Variants in SUPT3H observed in about 807,000 individuals in gnomAD.
SUPT3H encodes the protein SPT3 homolog, SAGA and STAGA complex component.
A neutral mutation model predicts 44.3 loss-of-function variants in SUPT3H; 44 were observed. The ratio of observed to expected loss-of-function variants is 0.99; its 90% CI spans 0.78 to 1.28. SUPT3H has a LOEUF of 1.28. Among genes scored for constraint, SUPT3H ranks in the 50% most tolerant of loss-of-function variants. The pLI is 0.00. For missense variants in SUPT3H, 380 were observed against 387.1 expected, an observed-to-expected ratio of 0.98 and a Z score of 0.15; for synonymous variants, 124 against 125.6, an observed-to-expected ratio of 0.99 and a Z score of 0.09.
chr6:44,833,748 T>C (rs774207959), intron 10 of SUPT3H, among the ~76,000 whole-genome samples: 3 of 152,172 alleles, frequency 2.0e-5, no homozygotes, highest in African/African-American at 7.2e-5. Context: ...TTATACTACA[T>C]TGTCTTACAA....
intron 2 of SUPT3H, among the ~76,000 whole-genome samples, chr6:45,301,655 T>C (rs949038857): frequency 1.1e-4 from 16 of 152,268 alleles, no homozygotes; most frequent in African/African-American, 3.9e-4. Flanking sequence ...TTCATATGTA[T>C]CATGTGTGCA....
At chr6:45,102,432 C>T (rs1466280886) in intron 3 of SUPT3H, among the ~76,000 whole-genome samples, 1 of 151,924 alleles carries the variant, frequency 6.6e-6, no homozygotes, top group Non-Finnish European at 1.5e-5. Flanking sequence ...TATGTCCAGC[C>T]AAGTTACCTG....
At chr6:44,890,717 C>A (rs1441421453) in intron 10 of SUPT3H, among the ~76,000 whole-genome samples, 3 of 150,460 alleles carry the variant, frequency 2.0e-5, no homozygotes, top group South Asian at 2.1e-4. Flanking sequence ...ATGTAACTAA[C>A]CTGCACATTG....
intron 2 of SUPT3H, among the ~76,000 whole-genome samples, chr6:45,108,215 G>A (rs1285034214): frequency 6.6e-6 from 1 of 152,182 alleles, no homozygotes; most frequent in Admixed American, 6.5e-5. Flanking sequence ...GCTCATACCC[G>A]TAATCCTAGC....
intron 2 of SUPT3H, among the ~76,000 whole-genome samples, chr6:45,240,527 G>C (rs905121471): frequency 2.0e-5 from 3 of 152,172 alleles, no homozygotes; most frequent in Non-Finnish European, 4.4e-5. Flanking sequence ...AAACCTATCT[G>C]TAAACAGAAT....
chr6:45,185,527 G>GC (rs1279522895), intron 2 of SUPT3H, among the ~76,000 whole-genome samples: 1 of 152,106 alleles, frequency 6.6e-6, no homozygotes, highest in Non-Finnish European at 1.5e-5. Flanking sequence ...GTCCAAAACC[G>GC]CAACAGCCTG....
At chr6:45,355,787 C>G (rs554110225) in intron 2 of SUPT3H, among the ~76,000 whole-genome samples, 10 of 152,290 alleles carry the variant, frequency 6.6e-5, no homozygotes, top group Admixed American at 6.5e-4. Flanking sequence ...CAGTGCTTGA[C>G]TTAGAAATGG....
intron 2 of SUPT3H, among the ~76,000 whole-genome samples, chr6:45,178,853 C>T (rs1376617447): frequency 2.0e-5 from 3 of 151,672 alleles, no homozygotes; most frequent in Non-Finnish European, 2.9e-5. Flanking sequence ...AATAAAGATG[C>T]TCTTTGAAAC....
At chr6:45,280,484 TAAAAC>T (rs779292780) in intron 2 of SUPT3H, among the ~76,000 whole-genome samples, 6 of 151,406 alleles carry the variant, frequency 4.0e-5, no homozygotes, top group Admixed American at 1.3e-4. Context: ...ATCTCAAAAA[TAAAAC>T]AAAACCAAAA....
At chr6:44,874,685 C>G (rs1305572927) in intron 10 of SUPT3H, among the ~76,000 whole-genome samples, 5 of 64,608 alleles carry the variant, frequency 7.7e-5, no homozygotes, top group African/African-American at 2.7e-4. Flanking sequence ...AAAGGGTATT[C>G]AATTAGGAAA....
At chr6:45,135,824 C>A (rs1011841957) in intron 2 of SUPT3H, among the ~76,000 whole-genome samples, 3 of 152,286 alleles carry the variant, frequency 2.0e-5, no homozygotes, top group Admixed American at 2.0e-4. Context: ...CCATCCAGTC[C>A]ATGATACTTT....
intron 3 of SUPT3H, among the ~76,000 whole-genome samples, chr6:45,088,971 T>A (rs972585982): frequency 3.9e-5 from 6 of 152,088 alleles, no homozygotes; most frequent in African/African-American, 1.2e-4. Context: ...GTAAATTTGA[T>A]ATCTTTCTTT....
intron 2 of SUPT3H, among the ~76,000 whole-genome samples, chr6:45,287,884 C>T (rs1779580797): frequency 1.3e-5 from 2 of 152,112 alleles, no homozygotes; most frequent in Non-Finnish European, 2.9e-5. Flanking sequence ...AGCAACTTAC[C>T]ACACTTAGTT....
intron 3 of SUPT3H, among the ~76,000 whole-genome samples, chr6:45,079,697 C>G (rs1304645769): frequency 6.6e-6 from 1 of 152,028 alleles, no homozygotes; most frequent in Non-Finnish European, 1.5e-5. Context: ...ATACATTGGG[C>G]AAAGGACAGT....
rs539470562 is a variant in SUPT3H at position 45,185,244 on chromosome 6, A to G, written c.102-79238T>C. 1.4e-4 allele frequency among the ~76,000 whole-genome samples: 22 copies of G among 152,232 alleles called. No individual in the cohort carries two copies. The South Asian group carries it at 4.4e-3, about 30-fold the overall frequency. The stretch of plus-strand genomic sequence containing the variant: ...ATCCAAAGCACAGCTAATCGCCACT[A>G]TGTCTGTTGTTAGTGGGACGCAGGA... On this transcript the variant is annotated intron_variant, in intron 2 of 10. Coordinates refer to ENST00000371459, the MANE Select transcript of SUPT3H (RefSeq NM_003599.4).
chr6:44,901,424 T>C (rs535581134), intron 10 of SUPT3H, among the ~76,000 whole-genome samples: 1 of 152,220 alleles, frequency 6.6e-6, no homozygotes, highest in Non-Finnish European at 1.5e-5. Flanking sequence ...AGGGTATCAG[T>C]GATGGAAGAT....
chr6:45,189,176 CAAAT>C (rs1216077395), intron 2 of SUPT3H, among the ~76,000 whole-genome samples: 1 of 152,026 alleles, frequency 6.6e-6, no homozygotes, highest in Non-Finnish European at 1.5e-5. Context: ...ATTTGCCAAA[CAAAT>C]AAAATTATAT....
chr6:45,132,727 T>C (rs541338967), intron 2 of SUPT3H, among the ~76,000 whole-genome samples: 1 of 152,330 alleles, frequency 6.6e-6, no homozygotes, highest in African/African-American at 2.4e-5. Context: ...GAAGTGATTC[T>C]ATTCTTAAAA....
At chr6:44,835,195 T>C (rs1326896693) in intron 10 of SUPT3H, among the ~76,000 whole-genome samples, 1 of 152,092 alleles carries the variant, frequency 6.6e-6, no homozygotes, top group Non-Finnish European at 1.5e-5. Context: ...AGTATCTGAT[T>C]TTGGGTTGAG....
Sources: gnomAD v4.1 joint callset for allele counts (sites outside exome capture counted in the v4.1 genomes callset) on GRCh38, gnomAD v4.1.1 for gene constraint, MANE v1.5 for transcripts, NCBI Gene and HGNC (gene_info 2026-07-23, HGNC 2026-07-21) for gene names.